The following C5orf24 variants were observed in gnomAD, a reference collection of about 807,000 sequenced individuals.
The protein encoded by C5orf24 is chromosome 5 open reading frame 24.
In C5orf24, 4 loss-of-function variants were observed where a neutral mutation model predicts 9.8. The ratio of observed to expected loss-of-function variants is 0.41; its 90% CI spans 0.20 to 0.93. The LOEUF (loss-of-function observed/expected upper bound fraction) is 0.93. Among genes scored for constraint, C5orf24 ranks in the 40% least tolerant of loss-of-function variants. The pLI is 0.33. For synonymous variants in C5orf24, 73 were observed against 81.3 expected, an observed-to-expected ratio of 0.90 and a Z score of 0.55; for missense variants, 170 against 236.9, an observed-to-expected ratio of 0.72 and a Z score of 1.85.
chr5:134,841,562 G>C (rs111589386), upstream of C5orf24, among the ~76,000 whole-genome samples: 1,257 of 152,216 alleles, frequency 8.3e-3, 17 homozygotes, highest in African/African-American at 0.028. Context: ...ACTCCAGCCT[G>C]GGTGACAGAA....
intron 1 of C5orf24, among the ~76,000 whole-genome samples, chr5:134,853,528 CTTTTTTTTTTT>C (rs773207000): frequency 2.8e-4 from 29 of 104,246 alleles, no homozygotes; most frequent in African/African-American, 8.1e-4. Context: ...TCTTCTTCTT[CTTTTTTTTTTT>C]TTTTTTTTTT....
intron 1 of C5orf24, among the ~76,000 whole-genome samples, chr5:134,849,647 CTTTT>C (rs35375521): frequency 1.9e-4 from 15 of 76,962 alleles, no homozygotes; most frequent in Non-Finnish European, 2.2e-4. Flanking sequence ...AAGTCAGTGT[CTTTT>C]TTTTTTTTTT....
Position 134,855,536 on chromosome 5 carries a change from T to G in C5orf24, c.*69T>G, listed in dbSNP as rs1018548207. ...ATAATCCCAAAGCTTCTTGGTTTTA[T>G]TTTGATATACATAATTTTATGGCCT... On this transcript the variant is annotated 3_prime_UTR_variant, in exon 2 of 2. Transcript: ENST00000394976. 4 of 1,571,658 alleles carry G rather than the reference T, an allele frequency of 2.5e-6. No homozygotes were observed. In the African/African-American group the frequency reaches 5.5e-5, roughly 22 times the overall value.
intron 1 of C5orf24, chr5:134,846,649 A>G (rs765744203): frequency 3.3e-5 from 5 of 152,262 alleles, no homozygotes; most frequent in Non-Finnish European, 5.9e-5. Flanking sequence ...CAATACGCTA[A>G]TAGTCGCTTT....
At chr5:134,854,814 C>T in intron 1 of C5orf24, 84 bp from the exon 2 acceptor site, 5 of 1,449,672 alleles carry the variant, frequency 3.4e-6, no homozygotes, top group Non-Finnish European at 4.7e-6. Flanking sequence ...TGTTGGAAGA[C>T]AGACTGTTTT....
In C5orf24 at chr5:134,857,047, A is replaced by G; in HGVS notation, c.*1580A>G. On this transcript the variant is annotated 3_prime_UTR_variant, in exon 2 of 2. Transcript: ENST00000394976. ...AAAGTATTAGGTAGATATGTATAGT[A>G]GGGACAGAGGGAAATCTTTCTTCTT... 1 of 1,092,030 alleles carries G rather than the reference A, an allele frequency of 9.2e-7. No individual in the cohort carries two copies. The allele number at this position is 1,092,030 out of a possible 1,614,324, so 67.6% of individuals were successfully genotyped here.
the C5orf24 span, among the ~76,000 whole-genome samples, chr5:134,835,558 A>G: frequency 6.6e-6 from 1 of 152,166 alleles, no homozygotes; most frequent in Non-Finnish European, 1.5e-5. Context: ...GAGGCAGGAG[A>G]ATTGCATGAA....
In C5orf24 at chr5:134,846,013, GGACCGTGCGC is replaced by G. The variant is rs1482903228; in HGVS notation, c.-201_-192del. ...GCCTCTTCGTACTGCGTCCGGGGCA[GGACCGTGCGC>G]GGCGGCCGCGGCGGGTGCTGGGAGC... On this transcript the variant is annotated 5_prime_UTR_variant, in exon 1 of 2. Transcript: ENST00000394976. 2 of 152,328 alleles carry G rather than the reference GGACCGTGCGC, an allele frequency of 1.3e-5. No individual in the cohort carries two copies. The highest frequency in any genetic ancestry group is 2.9e-5 in the Non-Finnish European group (2 of 68,130). The allele number at this position is 152,328 out of a possible 1,614,324, so 9.4% of individuals were successfully genotyped here.
the C5orf24 span, among the ~76,000 whole-genome samples, chr5:134,838,633 C>CT: frequency 6.6e-6 from 1 of 152,086 alleles, no homozygotes; most frequent in Admixed American, 6.6e-5. Flanking sequence ...AAGAGCAAGA[C>CT]TTTATCTCAA....
chr5:134,835,553 A>G, the C5orf24 span, among the ~76,000 whole-genome samples: 1 of 152,222 alleles, frequency 6.6e-6, no homozygotes, highest in Non-Finnish European at 1.5e-5. Flanking sequence ...AGGCTGAGGC[A>G]GGAGAATTGC....
In C5orf24 at chr5:134,856,587, G is replaced by A. The variant is rs775294444; in HGVS notation, c.*1120G>A. 2.2e-6 allele frequency: 1 copy of A among 463,160 alleles called. No individual in the cohort carries two copies. The highest frequency in any genetic ancestry group is 2.9e-6 in the Non-Finnish European group (1 of 340,134). 28.7% of individuals were successfully genotyped at this position (463,160 alleles called of 1,614,324 possible). On this transcript the variant is annotated 3_prime_UTR_variant, in exon 2 of 2. Transcript: ENST00000394976. ...ATCCAGGAGGCGGAGGTTGCAGTGA[G>A]CCAAGATTGTGCCACTGCACTCCAG...
intron 1 of C5orf24, among the ~76,000 whole-genome samples, chr5:134,849,799 A>G (rs919574984): frequency 6.6e-6 from 1 of 151,882 alleles, no homozygotes; most frequent in Admixed American, 6.6e-5. Context: ...CTGGGATTAC[A>G]AGTGCATGCC....
Position 134,850,781 on chromosome 5 carries a change from G to A in C5orf24, c.-3-4117G>A, listed in dbSNP as rs1170251343. Among the ~76,000 whole-genome samples the A allele has an allele frequency of 1.1e-4, 17 of 151,778 alleles. No individual in the cohort carries two copies. In the East Asian group the frequency reaches 2.9e-3, roughly 26 times the overall value. ...CATGAGTCACCATGCCCAGCCGCAC[G>A]ACTAATTTTTTAATGGTATGTTTTT... On this transcript the variant is annotated intron_variant, in intron 1 of 1. Coordinates refer to ENST00000394976, the MANE Select transcript of C5orf24 (RefSeq NM_001135586.1).
chr5:134,844,813 C>A (rs1363622229), upstream of C5orf24, among the ~76,000 whole-genome samples: 1 of 152,216 alleles, frequency 6.6e-6, no homozygotes, highest in Non-Finnish European at 1.5e-5. Context: ...TCTCGGCTCA[C>A]AGCAACCTCC....
Position 134,856,407 on chromosome 5 carries a change from G to A in C5orf24, c.*940G>A, listed in dbSNP as rs1021858330. 7 of 703,324 alleles carry A rather than the reference G, an allele frequency of 1.0e-5. No homozygotes were observed. The highest frequency in any genetic ancestry group is 9.7e-5 in the African/African-American group (5 of 51,408). The allele number at this position is 703,324 out of a possible 1,614,324, so 43.6% of individuals were successfully genotyped here. On this transcript the variant is annotated 3_prime_UTR_variant, in exon 2 of 2. Coordinates refer to ENST00000394976, the MANE Select transcript of C5orf24 (RefSeq NM_001135586.1). The stretch of plus-strand genomic sequence containing the variant: ...CTCACACCCAGCACTTTGGGAGGCC[G>A]AGGCAGGCGGATCACTTGAGGTCAG...
Position 134,857,284 on chromosome 5 carries a change from G to A in C5orf24, c.*1817G>A, listed in dbSNP as rs1039227984. The A allele has an allele frequency of 1.4e-6, 2 of 1,471,314 alleles. No individual in the cohort carries two copies. Among genetic ancestry groups the A allele is most frequent in the Non-Finnish European group, 1.8e-6 (2 of 1,099,562 alleles). The allele number at this position is 1,471,314 out of a possible 1,614,324, so 91.1% of individuals were successfully genotyped here. A position where few individuals can be genotyped will look rare whatever the true frequency, so the allele number is the denominator to read the frequency against. ...TTAAAATTTTAAAAGAGCACATGTT[G>A]TGTTTTTTGGGCTTGCTATTAATGC... On this transcript the variant is annotated 3_prime_UTR_variant, in exon 2 of 2. Transcript: ENST00000394976.
chr5:134,840,956 T>C (rs1444642391), upstream of C5orf24, among the ~76,000 whole-genome samples: 1 of 152,202 alleles, frequency 6.6e-6, no homozygotes, highest in Non-Finnish European at 1.5e-5. Context: ...TGATACCATG[T>C]GACCCAGCTC....
chr5:134,833,664 A>G, the C5orf24 span: 1 of 152,186 alleles, frequency 6.6e-6, no homozygotes, highest in Non-Finnish European at 1.5e-5. Flanking sequence ...CGGATATTTG[A>G]AGGCCTTCTA....
rs1756325701 is a variant in C5orf24, at chr5:134,856,774, T to C, written c.*1307T>C. ...CATTAGCACTTACTGTGTTTTCAGG[T>C]TGATATCTACCAAAGGACACAAATT... On this transcript the variant is annotated 3_prime_UTR_variant, in exon 2 of 2. Transcript: ENST00000394976. 5.0e-6 allele frequency: 5 copies of C among 1,000,114 alleles called. No homozygotes were observed. Among genetic ancestry groups the C allele is most frequent in the Non-Finnish European group, 6.0e-6 (5 of 829,922 alleles). 62.0% of individuals were successfully genotyped at this position (1,000,114 alleles called of 1,614,324 possible).
Sources: allele counts gnomAD v4.1 joint callset (sites outside exome capture counted in the v4.1 genomes callset), GRCh38; gene constraint gnomAD v4.1.1; transcripts MANE v1.5; gene names NCBI Gene and HGNC (gene_info 2026-07-23, HGNC 2026-07-21).